Variants in SRGAP2B observed in about 807,000 individuals in gnomAD.
SRGAP2B encodes SLIT-ROBO Rho GTPase activating protein 2B.
A neutral mutation model predicts 22.2 loss-of-function variants in SRGAP2B; 9 were observed. That is an observed-to-expected ratio of 0.41 (90% CI 0.24 to 0.71). The LOEUF is 0.71. SRGAP2B is among the 30% of genes least tolerant of loss of function. SRGAP2B has a pLI of 0.35. For synonymous variants in SRGAP2B, 36 were observed against 87.4 expected (o/e 0.41, Z 3.28); for missense variants, 114 against 235.8 (o/e 0.48, Z 3.38).
At chr1:144,963,292 G>GC (rs1285929201) in intron 3 of SRGAP2B, among the ~76,000 whole-genome samples, 1 of 143,006 alleles carries the variant, frequency 7.0e-6, no homozygotes, top group African/African-American at 2.7e-5. Flanking sequence ...CTCCCTGAAA[G>GC]CCCCCCAAAA....
chr1:145,056,940 TGAA>T (rs1650453025), intron 2 of SRGAP2B, among the ~76,000 whole-genome samples: 1 of 128,148 alleles, frequency 7.8e-6, no homozygotes, highest in Non-Finnish European at 1.6e-5. Flanking sequence ...TGGTCAGAGT[TGAA>T]GGAGATAAAA....
intron 4 of SRGAP2B, among the ~76,000 whole-genome samples, chr1:144,921,269 C>A (rs1553604303): frequency 1.3e-3 from 83 of 62,304 alleles, no homozygotes; most frequent in Non-Finnish European, 1.5e-3. Flanking sequence ...TCTAGCTTGC[C>A]AAAAAAAAAA....
chr1:145,002,673 A>G lies in SRGAP2B; in HGVS notation c.68-7473T>C, dbSNP rs1297246277. ...TGGATAAACTGAGGATTTCTGAAGTATGAAGTTCCCTGTTCTCAAGAAATT... is the reference window on the plus strand; with the variant it reads ...TGGATAAACTGAGGATTTCTGAAGTGTGAAGTTCCCTGTTCTCAAGAAATT... On this transcript the variant is annotated intron_variant, in intron 2 of 9. Coordinates refer to ENST00000612199, the Ensembl canonical transcript of SRGAP2B. Among the ~76,000 whole-genome samples the G allele has an allele frequency of 7.3e-5, 11 of 150,794 alleles. 1 individual carries two copies. Among genetic ancestry groups the G allele is most frequent in the Non-Finnish European group, 1.6e-4 (11 of 67,998 alleles).
At chr1:145,027,002 CTTTT>C (rs1341240722) in intron 2 of SRGAP2B, among the ~76,000 whole-genome samples, 40 of 91,576 alleles carry the variant, frequency 4.4e-4, no homozygotes, top group South Asian at 1.6e-3. Flanking sequence ...GTCCTCTATG[CTTTT>C]TTTAATTTTT....
At chr1:144,934,403 CAAAAAAAA>C (rs782588401) in intron 4 of SRGAP2B, among the ~76,000 whole-genome samples, 23 of 40,684 alleles carry the variant, frequency 5.7e-4, no homozygotes, top group African/African-American at 2.2e-3. Flanking sequence ...AACTCCATCT[CAAAAAAAA>C]AAAAAAAAAA....
chr1:144,971,917 GGTT>G (rs1396975513), intron 3 of SRGAP2B, among the ~76,000 whole-genome samples: 2 of 149,754 alleles, frequency 1.3e-5, no homozygotes, highest in Non-Finnish European at 2.9e-5. Flanking sequence ...TCATTGTGGT[GGTT>G]ATTACATTTC....
chr1:144,929,496 T>C (rs1665021432), intron 4 of SRGAP2B, among the ~76,000 whole-genome samples: 1 of 150,984 alleles, frequency 6.6e-6, no homozygotes, highest in Non-Finnish European at 1.5e-5. Flanking sequence ...TTTCCAGGTT[T>C]GTTTTTATAA....
At chr1:145,021,709 G>T (rs1161998754) in intron 2 of SRGAP2B, among the ~76,000 whole-genome samples, 9 of 149,214 alleles carry the variant, frequency 6.0e-5, no homozygotes, top group African/African-American at 2.3e-4. Context: ...AGCTACTCAG[G>T]AGGCTGACGC....
chr1:144,997,001 A>C (rs1444025798), intron 2 of SRGAP2B, among the ~76,000 whole-genome samples: 8 of 149,204 alleles, frequency 5.4e-5, no homozygotes, highest in Middle Eastern at 7.0e-3. Context: ...CCTTGTTGAG[A>C]CTATTCCTGT....
intron 2 of SRGAP2B, among the ~76,000 whole-genome samples, chr1:145,088,908 T>A (rs1553635897): frequency 2.9e-5 from 4 of 140,290 alleles, no homozygotes; most frequent in South Asian, 2.3e-4. Context: ...GAATGGAAAA[T>A]ATTCAAGAAA....
At chr1:144,965,432 G>C (rs374977861) in intron 3 of SRGAP2B, among the ~76,000 whole-genome samples, 8 of 143,278 alleles carry the variant, frequency 5.6e-5, no homozygotes, top group African/African-American at 8.6e-5. Context: ...TGAGGGTCCT[G>C]TCTGTTAGAA....
At chr1:144,931,008 C>T in intron 4 of SRGAP2B, among the ~76,000 whole-genome samples, 1 of 145,018 alleles carries the variant, frequency 6.9e-6, no homozygotes, top group Non-Finnish European at 1.5e-5. Context: ...CTCATTAACA[C>T]TCTGATTTAG....
chr1:144,988,796 G>A (rs1355241582), intron 3 of SRGAP2B, among the ~76,000 whole-genome samples: 141 of 148,478 alleles, frequency 9.5e-4, no homozygotes, highest in Admixed American at 9.4e-3. Flanking sequence ...AATGTTCAAA[G>A]TAGGATCACC....
At chr1:144,889,409 GC>G (rs2101651154) in exon 10 of SRGAP2B, 1 of 76,702 alleles carries the variant, frequency 1.3e-5, no homozygotes, top group African/African-American at 6.5e-5. Flanking sequence ...TGTCATCTGG[GC>G]AAATCAGTCC....
intron 3 of SRGAP2B, among the ~76,000 whole-genome samples, chr1:144,980,780 GTTTCT>G (rs57627875): frequency 0.088 from 12,297 of 139,278 alleles, 26 homozygotes; most frequent in African/African-American, 0.26. Flanking sequence ...ATGTCACACT[GTTTCT>G]TTTCAATGTG....
intron 2 of SRGAP2B, among the ~76,000 whole-genome samples, chr1:145,015,661 GA>G (rs1411985568): frequency 6.7e-6 from 1 of 148,966 alleles, no homozygotes; most frequent in Non-Finnish European, 1.5e-5. Context: ...AAGAAGGCAG[GA>G]AAAGTACTCC....
At chr1:144,936,199 T>C (rs1392465981) in intron 4 of SRGAP2B, among the ~76,000 whole-genome samples, 1 of 146,196 alleles carries the variant, frequency 6.8e-6, no homozygotes, top group African/African-American at 2.6e-5. Context: ...AGAGCCTCTT[T>C]CCTCCAACCA....
intron 7 of SRGAP2B, among the ~76,000 whole-genome samples, chr1:144,904,449 C>T (rs1481245357): frequency 1.2e-4 from 9 of 73,082 alleles, no homozygotes; most frequent in African/African-American, 2.6e-4. Context: ...TTTGGGAAGT[C>T]GAGGCAGGTG....
In SRGAP2B at chr1:144,941,363, G is replaced by C. The variant is rs1350999260; in HGVS notation, c.423+14076C>G. ...GCTCTTGAGACCATGAAGAGGGATG[G>C]TCTGAGGTTCCTATGGTCTTTTAAA... On this transcript the variant is annotated intron_variant, in intron 4 of 9. Coordinates refer to ENST00000612199, the Ensembl canonical transcript of SRGAP2B. Among the ~76,000 whole-genome samples, 3 of 120,836 alleles carry C rather than the reference G, an allele frequency of 2.5e-5. No individual in the cohort carries two copies. The Admixed American group carries it at 2.7e-4, about 11-fold the overall frequency. 79.3% of individuals were successfully genotyped at this position (120,836 alleles called of 152,430 possible).
Sources: gnomAD v4.1 joint callset for allele counts (sites outside exome capture counted in the v4.1 genomes callset) on GRCh38, gnomAD v4.1.1 for gene constraint, MANE v1.5 for transcripts, NCBI Gene and HGNC (gene_info 2026-07-23, HGNC 2026-07-21) for gene names.